WDR7: variants seen among roughly 807,000 people sequenced by gnomAD.
WDR7 encodes WD repeat-containing protein 7.
Under a neutral mutation model 169.4 loss-of-function variants are expected in WDR7, and 46 were observed. The ratio of observed to expected loss-of-function variants is 0.27; its 90% confidence interval spans 0.21 to 0.35. The LOEUF is 0.35. Ranked by LOEUF, WDR7 falls within the 10% of genes least tolerant of loss-of-function variation. The probability of loss-of-function intolerance (pLI) is 1.00; values close to 1 mark genes in which losing one functional copy is unlikely to be tolerated. For missense variants in WDR7, 1,534 were observed against 1,859.3 expected, an observed-to-expected ratio of 0.83 and a Z score of 3.22; for synonymous variants, 612 against 666.8, an observed-to-expected ratio of 0.92 and a Z score of 1.27.
Position 57,021,273 on chromosome 18 carries a change from C to T in WDR7, c.4269+424C>T, listed in dbSNP as rs532932450. ...AAGGGGGCACAGGTGCATGAGTAGC[C>T]GTGAGCAAGGGCCGGCATGTTTGAG... On this transcript the variant is annotated intron_variant, in intron 27 of 27. Transcript: ENST00000254442. Among the ~76,000 whole-genome samples, 13 of 152,142 alleles carry T rather than the reference C, an allele frequency of 8.5e-5. No homozygotes were observed. In the East Asian group the frequency reaches 1.5e-3, roughly 18 times the overall value.
chr18:56,978,881 C>T (rs1250841979), intron 26 of WDR7, among the ~76,000 whole-genome samples: 5 of 151,922 alleles, frequency 3.3e-5, no homozygotes, highest in East Asian at 3.9e-4. Flanking sequence ...TCTGAGTTTA[C>T]GGAATAAAAT....
rs2043873347 is a variant in WDR7, at chr18:56,755,597, G to A, written c.1990-986G>A. 2.0e-5 allele frequency among the ~76,000 whole-genome samples: 3 copies of A among 152,214 alleles called. No individual in the cohort carries two copies. In the South Asian group the frequency reaches 6.2e-4, roughly 32 times the overall value. ...GGGGTGGAGATGAGAACGTAAAAAT[G>A]TGAGGTAGGTACTGTGGGATATCCC... On this transcript the variant is annotated intron_variant, in intron 14 of 27. Transcript: ENST00000254442.
chr18:56,872,673 G>C (rs2045969860), intron 20 of WDR7: 1 of 152,012 alleles, frequency 6.6e-6, no homozygotes, highest in Non-Finnish European at 1.5e-5. Flanking sequence ...ATCGCATATA[G>C]CTTCTCTTTT....
intron 3 of WDR7, among the ~76,000 whole-genome samples, chr18:56,680,584 A>C (rs1289983764): frequency 6.6e-6 from 1 of 152,212 alleles, no homozygotes; most frequent in African/African-American, 2.4e-5. Context: ...CTCTAATAAT[A>C]TCAGGATCAT....
At chr18:56,858,081 C>G (rs1483108297) in intron 20 of WDR7, among the ~76,000 whole-genome samples, 1 of 152,160 alleles carries the variant, frequency 6.6e-6, no homozygotes, top group African/African-American at 2.4e-5. Flanking sequence ...GAGCTCCAGG[C>G]TTTTACTTTC....
intron 12 of WDR7, among the ~76,000 whole-genome samples, chr18:56,704,473 A>C (rs2025904683): frequency 6.6e-6 from 1 of 152,142 alleles, no homozygotes; most frequent in African/African-American, 2.4e-5. Context: ...CTGGAGTTCA[A>C]GGCTGCAGTG....
At chr18:56,816,709 C>T (rs1478065460) in intron 20 of WDR7, among the ~76,000 whole-genome samples, 1 of 148,608 alleles carries the variant, frequency 6.7e-6, no homozygotes, top group Non-Finnish European at 1.5e-5. Flanking sequence ...ATGTTTAGCC[C>T]GTCTTTTTAT....
At chr18:56,992,105 A>C (rs1455027456) in intron 26 of WDR7, among the ~76,000 whole-genome samples, 2 of 152,158 alleles carry the variant, frequency 1.3e-5, no homozygotes, top group Non-Finnish European at 2.9e-5. Flanking sequence ...CTAATCAAAT[A>C]ACAACTTCCT....
At chr18:56,905,704 A>G (rs1422195360) in intron 21 of WDR7, among the ~76,000 whole-genome samples, 3 of 151,724 alleles carry the variant, frequency 2.0e-5, no homozygotes, top group Admixed American at 6.6e-5. Context: ...CTCCACTTAC[A>G]GTGACTGAGA....
At chr18:56,970,577 A>G (rs1283222415) in intron 26 of WDR7, among the ~76,000 whole-genome samples, 1 of 152,182 alleles carries the variant, frequency 6.6e-6, no homozygotes, top group African/African-American at 2.4e-5. Context: ...GAGATTTTCC[A>G]TATACCTCTG....
At chr18:56,793,499 A>C (rs556413929) in intron 19 of WDR7, among the ~76,000 whole-genome samples, 2 of 152,330 alleles carry the variant, frequency 1.3e-5, no homozygotes, top group African/African-American at 4.8e-5. Flanking sequence ...GAATCAGTAA[A>C]TCAATTTCTA....
chr18:56,977,216 T>A (rs190688373), intron 26 of WDR7, among the ~76,000 whole-genome samples: 25 of 152,344 alleles, frequency 1.6e-4, no homozygotes, highest in Middle Eastern at 3.4e-3. Flanking sequence ...GGCAGTCCAG[T>A]TAATTTGAAA....
At chr18:56,833,233 A>G (rs1267377737) in intron 20 of WDR7, among the ~76,000 whole-genome samples, 1 of 151,938 alleles carries the variant, frequency 6.6e-6, no homozygotes, top group East Asian at 2.0e-4. Context: ...GGAAGAAGGC[A>G]TGTCAGAGAT....
intron 27 of WDR7, among the ~76,000 whole-genome samples, chr18:57,021,677 T>G (rs2048294721): frequency 6.6e-6 from 1 of 152,356 alleles, no homozygotes; most frequent in South Asian, 2.1e-4. Flanking sequence ...CCATCTTCTT[T>G]TTAATTACCT....
At chr18:56,907,916 G>A (rs889137546) in intron 21 of WDR7, among the ~76,000 whole-genome samples, 2 of 152,180 alleles carry the variant, frequency 1.3e-5, no homozygotes, top group Admixed American at 1.3e-4. Context: ...CAAACATGCA[G>A]AACAGCAGCT....
chr18:56,794,304 A>ATT (rs566857049), intron 19 of WDR7, among the ~76,000 whole-genome samples: 2,780 of 49,348 alleles, frequency 0.056, 688 homozygotes, highest in African/African-American at 0.18. Context: ...GGTAAAGTCT[A>ATT]TTTTTTTTTT....
chr18:56,797,733 A>G (rs1004081625), intron 19 of WDR7, among the ~76,000 whole-genome samples: 25 of 151,756 alleles, frequency 1.6e-4, no homozygotes, highest in African/African-American at 6.0e-4. Flanking sequence ...GATTTATCAG[A>G]ATACACTTTT....
chr18:56,934,846 T>A (rs1402318131), intron 22 of WDR7, among the ~76,000 whole-genome samples: 1 of 152,140 alleles, frequency 6.6e-6, no homozygotes, highest in Non-Finnish European at 1.5e-5. Context: ...ATATTTAAAT[T>A]TAAAAATATT....
At chr18:56,905,204 A>C (rs190448289) in intron 21 of WDR7, among the ~76,000 whole-genome samples, 190 of 152,310 alleles carry the variant, frequency 1.2e-3, no homozygotes, top group Non-Finnish European at 2.2e-3. Flanking sequence ...TTTAGAGTGC[A>C]GTGGCACCAT....
Sources: allele counts gnomAD v4.1 joint callset (sites outside exome capture counted in the v4.1 genomes callset), GRCh38; gene constraint gnomAD v4.1.1; transcripts MANE v1.5; gene names NCBI Gene and HGNC (gene_info 2026-07-23, HGNC 2026-07-21).